Variants in APP observed in about 807,000 individuals in gnomAD.
The protein encoded by APP is amyloid-beta precursor protein.
A neutral mutation model predicts 101.4 loss-of-function variants in APP; 31 were observed. The observed-to-expected ratio is 0.31, with a 90% CI of 0.23 to 0.41. APP has a LOEUF of 0.41. Ranked by LOEUF, APP falls within the 10% of genes least tolerant of loss-of-function variation. APP has a pLI of 1.00. For missense variants in APP, 839 were observed against 1,003.7 expected (o/e 0.84, Z 2.22); for synonymous variants, 366 against 364.4 (o/e 1.00, Z -0.05).
intron 8 of APP, among the ~76,000 whole-genome samples, chr21:25,992,925 C>T (rs1199868311): frequency 6.6e-6 from 1 of 152,146 alleles, no homozygotes; most frequent in Admixed American, 6.5e-5. Context: ...GTGAAAAGAA[C>T]AAGAATAGTG....
intron 17 of APP, among the ~76,000 whole-genome samples, chr21:25,882,370 C>A (rs1180330236): frequency 6.8e-6 from 1 of 147,208 alleles, no homozygotes; most frequent in Non-Finnish European, 1.5e-5. Context: ...TTATTTGGCA[C>A]AAGAAAAAAG....
intron 6 of APP, among the ~76,000 whole-genome samples, chr21:26,003,530 T>C (rs114918551): frequency 1.5e-3 from 225 of 152,300 alleles, no homozygotes; most frequent in African/African-American, 5.2e-3. Context: ...GATAATGCGG[T>C]CAGGAATGGG....
At chr21:25,900,485 G>A (rs7281116) in intron 15 of APP, among the ~76,000 whole-genome samples, 4,366 of 151,542 alleles carry the variant, frequency 0.029, 230 homozygotes, top group East Asian at 0.21. Context: ...GCTTGAACCC[G>A]GCAGGTGGAG....
intron 2 of APP, among the ~76,000 whole-genome samples, chr21:26,106,009 C>T (rs1047969843): frequency 6.6e-5 from 10 of 152,188 alleles, no homozygotes; most frequent in African/African-American, 1.7e-4. Context: ...CCTGCAGATA[C>T]GGTGGTGGCT....
At chr21:26,053,138 T>G in intron 4 of APP, 98 bp downstream of exon 4, 3 of 914,074 alleles carry the variant, frequency 3.3e-6, no homozygotes, top group Non-Finnish European at 5.5e-6. Context: ...AAATAACTTA[T>G]CAACATAGCT....
chr21:26,139,736 T>C (rs1254881045), intron 1 of APP, among the ~76,000 whole-genome samples: 1 of 151,996 alleles, frequency 6.6e-6, no homozygotes, highest in Non-Finnish European at 1.5e-5. Flanking sequence ...CTATTAAAAA[T>C]ACAGAAATTA....
At chr21:26,048,742 G>A (rs112149336) in intron 5 of APP, among the ~76,000 whole-genome samples, 1 of 151,686 alleles carries the variant, frequency 6.6e-6, no homozygotes, top group African/African-American at 2.4e-5. Context: ...GGGTAGTATA[G>A]CAGAGCAAGG....
chr21:26,035,644 C>T (rs1003419299), intron 5 of APP, among the ~76,000 whole-genome samples: 2 of 152,248 alleles, frequency 1.3e-5, no homozygotes. Context: ...GCCACGAACA[C>T]AACTTAAATT....
At chr21:26,043,454 C>T (rs1402346815) in intron 5 of APP, among the ~76,000 whole-genome samples, 1 of 152,070 alleles carries the variant, frequency 6.6e-6, no homozygotes, top group African/African-American at 2.4e-5. Flanking sequence ...TGGTCTTGAA[C>T]TCCTGACATC....
chr21:25,891,742 T>G lies in APP; in HGVS notation c.2191A>C (p.Ile731Leu). The stretch of plus-strand genomic sequence containing the variant: ...CCTACCTCCACCACACCATGATGAA[T>G]GGATGTGTACTGTTTCTTCTTCAGC... ...VMLKKKQYTSIHHGVVEVDAA... is the reference protein window; with the variant it reads ...VMLKKKQYTSLHHGVVEVDAA... Residue 731 changes from isoleucine (I) to leucine (L), a missense_variant, in exon 17 of 18, where the codon ATT (isoleucine) becomes CTT (leucine). By Grantham distance (5) the Ile-to-Leu change is conservative. Coordinates refer to ENST00000346798, the MANE Select transcript of APP (RefSeq NM_000484.4). The G allele has an allele frequency of 3.7e-6, 6 of 1,614,162 alleles. No homozygotes were observed. Among genetic ancestry groups the G allele is most frequent in the Non-Finnish European group, 5.1e-6 (6 of 1,179,994 alleles).
chr21:26,043,179 G>A (rs192561359), intron 5 of APP, among the ~76,000 whole-genome samples: 1 of 152,164 alleles, frequency 6.6e-6, no homozygotes, highest in African/African-American at 2.4e-5. Context: ...GACTCCTGAT[G>A]CAATTTTACT....
chr21:26,164,541 GTAT>G (rs2063565453), intron 1 of APP, among the ~76,000 whole-genome samples: 1 of 152,196 alleles, frequency 6.6e-6, no homozygotes, highest in Non-Finnish European at 1.5e-5. Flanking sequence ...TCAAGCCAGT[GTAT>G]AAACTTGCTC....
At chr21:25,917,309 T>G (rs1410442689) in intron 13 of APP, among the ~76,000 whole-genome samples, 1 of 150,894 alleles carries the variant, frequency 6.6e-6, no homozygotes, top group Non-Finnish European at 1.5e-5. Context: ...CGAGGCATAC[T>G]TAGAGTAACA....
chr21:26,158,844 A>G (rs1601595197), intron 1 of APP, among the ~76,000 whole-genome samples: 1 of 152,142 alleles, frequency 6.6e-6, no homozygotes, highest in African/African-American at 2.4e-5. Flanking sequence ...CTCTGGGAAG[A>G]GTTTGTACCT....
intron 6 of APP, among the ~76,000 whole-genome samples, chr21:26,020,544 A>G (rs2044292442): frequency 6.6e-6 from 1 of 152,236 alleles, no homozygotes; most frequent in Non-Finnish European, 1.5e-5. Flanking sequence ...CTAATAGAAC[A>G]ATAAATCTGA....
chr21:26,165,971 C>T (rs461639), intron 1 of APP, among the ~76,000 whole-genome samples: 8,122 of 152,020 alleles, frequency 0.053, 351 homozygotes, highest in East Asian at 0.2. Flanking sequence ...CAGTTTTTGC[C>T]AGATTTCTAC....
At chr21:26,103,079 A>G (rs377699326) in intron 2 of APP, among the ~76,000 whole-genome samples, 91 of 152,272 alleles carry the variant, frequency 6.0e-4, no homozygotes, top group Middle Eastern at 6.8e-3. Context: ...TGATTCACAC[A>G]AACTACCCTA....
intron 17 of APP, among the ~76,000 whole-genome samples, chr21:25,889,155 C>A (rs1400624630): frequency 1.3e-5 from 2 of 152,172 alleles, no homozygotes; most frequent in African/African-American, 4.8e-5. Context: ...CTGCCAGTAC[C>A]TCCACCTGTG....
At chr21:26,056,709 A>C (rs936597946) in intron 3 of APP, among the ~76,000 whole-genome samples, 2 of 152,234 alleles carry the variant, frequency 1.3e-5, no homozygotes, top group Admixed American at 1.3e-4. Context: ...AAAGCTAAGA[A>C]ATATGTGTCC....
Sources: allele counts gnomAD v4.1 joint callset (sites outside exome capture counted in the v4.1 genomes callset), GRCh38; gene constraint gnomAD v4.1.1; transcripts MANE v1.5; gene names NCBI Gene and HGNC (gene_info 2026-07-23, HGNC 2026-07-21).